Variants in QTGAL observed in about 807,000 individuals in gnomAD.
QTGAL encodes queuosine-tRNA galactosyltransferase.
chr17:82,975,919 A>G, the QTGAL span, among the ~76,000 whole-genome samples: 6 of 22,376 alleles, frequency 2.7e-4, no homozygotes, highest in Admixed American at 1.0e-3. Context: ...GGACAGAGCC[A>G]GACTCCATCC....
At chr17:83,029,525 G>C in the QTGAL span, among the ~76,000 whole-genome samples, 1 of 152,308 alleles carries the variant, frequency 6.6e-6, no homozygotes, top group Non-Finnish European at 1.5e-5. Flanking sequence ...GCTGGCTCTT[G>C]TGTCAGGTGG....
chr17:82,999,089 GA>G, the QTGAL span, among the ~76,000 whole-genome samples: 1 of 152,208 alleles, frequency 6.6e-6, no homozygotes, highest in Non-Finnish European at 1.5e-5. Flanking sequence ...CTTTAAAAGT[GA>G]AACACATCCC....
At chr17:83,029,370 T>C in the QTGAL span, among the ~76,000 whole-genome samples, 4 of 152,216 alleles carry the variant, frequency 2.6e-5, no homozygotes, top group Non-Finnish European at 5.9e-5. Context: ...GTTAAATTTT[T>C]TTTTTCAGAT....
At chr17:83,037,076 G>C in the QTGAL span, among the ~76,000 whole-genome samples, 1 of 152,122 alleles carries the variant, frequency 6.6e-6, no homozygotes, top group Non-Finnish European at 1.5e-5. The surrounding 1 kb of genome is among the most constrained non-coding windows in gnomAD (Gnocchi z 5.2). Flanking sequence ...ACCCAGGAAA[G>C]TCATACAAAG....
chr17:83,005,625 G>C, the QTGAL span: 3 of 702,934 alleles, frequency 4.3e-6, no homozygotes, highest in Middle Eastern at 2.5e-4. This position sits in a 1 kb window ranked among gnomAD's most constrained non-coding sequence, Gnocchi z 5.6. Context: ...CCTGTCCGCA[G>C]GCCGCCCGTC....
chr17:82,984,094 GGGGGAGAGATC>G, the QTGAL span, among the ~76,000 whole-genome samples: 14 of 106,042 alleles, frequency 1.3e-4, no homozygotes, highest in African/African-American at 5.2e-4. Context: ...GTGAGCACAC[GGGGGAGAGATC>G]ATGTGAGCAC....
the QTGAL span, among the ~76,000 whole-genome samples, chr17:82,959,183 G>A: frequency 2.0e-5 from 3 of 151,890 alleles, no homozygotes; most frequent in South Asian, 2.1e-4. Context: ...ACATGAGCAC[G>A]TGTACAGTGT....
the QTGAL span, among the ~76,000 whole-genome samples, chr17:82,954,246 C>T: frequency 6.6e-6 from 1 of 152,116 alleles, no homozygotes; most frequent in Admixed American, 6.5e-5. Context: ...TAGAAAACCC[C>T]ATTGTCTCAG....
chr17:83,017,609 G>C, the QTGAL span, among the ~76,000 whole-genome samples: 2 of 152,192 alleles, frequency 1.3e-5, no homozygotes. Flanking sequence ...GCGACAGAGA[G>C]AGACTCCATC....
the QTGAL span, among the ~76,000 whole-genome samples, chr17:82,971,428 C>G: frequency 2.6e-5 from 4 of 152,158 alleles, no homozygotes; most frequent in East Asian, 5.8e-4. Flanking sequence ...CATGGGCAAG[C>G]GCTGGGGTGG....
the QTGAL span, among the ~76,000 whole-genome samples, chr17:83,021,213 A>T: frequency 3.9e-5 from 6 of 152,340 alleles, no homozygotes; most frequent in East Asian, 1.2e-3. Flanking sequence ...TGGAGGTCCT[A>T]GTCAGTATAA....
the QTGAL span, chr17:82,944,472 G>A: frequency 6.6e-6 from 1 of 152,256 alleles, no homozygotes; most frequent in South Asian, 2.1e-4. Flanking sequence ...AGGCAACACT[G>A]AGTGCTATGA....
At chr17:82,977,926 C>T in the QTGAL span, among the ~76,000 whole-genome samples, 14 of 152,146 alleles carry the variant, frequency 9.2e-5, no homozygotes, top group Non-Finnish European at 1.9e-4. Context: ...CGCTCCATCC[C>T]GACCGATGTG....
chr17:83,012,590 T>C, the QTGAL span, among the ~76,000 whole-genome samples: 1 of 152,122 alleles, frequency 6.6e-6, no homozygotes, highest in Non-Finnish European at 1.5e-5. Flanking sequence ...CACCTTCCAG[T>C]CCACAGGACC....
the QTGAL span, among the ~76,000 whole-genome samples, chr17:83,011,954 A>C: frequency 6.8e-6 from 1 of 146,872 alleles, no homozygotes; most frequent in Non-Finnish European, 1.5e-5. Flanking sequence ...CCTCGTATCC[A>C]TAAGTATCCC....
chr17:82,959,257 C>A, the QTGAL span, among the ~76,000 whole-genome samples: 4 of 151,734 alleles, frequency 2.6e-5, no homozygotes, highest in African/African-American at 9.7e-5. Context: ...CATGTGTACA[C>A]GTGTGTGCAG....
the QTGAL span, chr17:82,946,941 G>A: frequency 6.4e-7 from 1 of 1,570,374 alleles, no homozygotes; most frequent in Non-Finnish European, 8.6e-7. Context: ...TCCTGCAAGT[G>A]CAGTGACCTC....
chr17:82,967,807 C>T, the QTGAL span, among the ~76,000 whole-genome samples: 1 of 151,962 alleles, frequency 6.6e-6, no homozygotes, highest in South Asian at 2.1e-4. Flanking sequence ...TGGTGATGCT[C>T]CCCTGTAGGC....
At chr17:82,963,752 C>T in the QTGAL span, among the ~76,000 whole-genome samples, 499 of 152,178 alleles carry the variant, frequency 3.3e-3, no homozygotes, top group Non-Finnish European at 5.8e-3. Context: ...AGATGAGGTG[C>T]GCCCCTGGGT....
Sources: allele counts gnomAD v4.1 joint callset (sites outside exome capture counted in the v4.1 genomes callset), GRCh38; gene constraint gnomAD v4.1.1; non-coding constraint Gnocchi (gnomAD v3.1); transcripts MANE v1.5; gene names NCBI Gene and HGNC (gene_info 2026-07-23, HGNC 2026-07-21).